The following CNGA1 variants were observed in gnomAD, a reference collection of about 807,000 sequenced individuals.
CNGA1 encodes the protein cyclic nucleotide-gated channel alpha-1.
A neutral mutation model predicts 69.7 loss-of-function variants in CNGA1; 53 were observed. That is an observed-to-expected ratio of 0.76 (90% CI 0.61 to 0.96). The LOEUF (loss-of-function observed/expected upper bound fraction) is 0.96, where lower values mean the gene tolerates loss of function less well. Ranked by LOEUF, CNGA1 falls within the 40% of genes least tolerant of loss-of-function variation. The pLI is 0.00. For missense variants in CNGA1, 739 were observed against 811.2 expected (o/e 0.91, Z 1.08); for synonymous variants, 249 against 283.5 (o/e 0.88, Z 1.22).
intron 3 of CNGA1, chr4:47,959,169 C>CAT (rs904495327): frequency 1.3e-5 from 2 of 152,088 alleles, no homozygotes; most frequent in African/African-American, 4.8e-5. Context: ...GAGTTGGTGG[C>CAT]AAATGTGGGT....
At position 47,997,116 on chromosome 4, in the gene CNGA1, C is replaced by T. The variant is rs550218640; in HGVS notation, c.-123+13678G>A. ...TCACGCTAACCTATATAATGTTGTG[C>T]CTTAAATATACCTGAAGACTTTTGC... is the stretch of plus-strand genomic sequence containing the variant. On this transcript the variant is annotated intron_variant, in intron 2 of 10. Coordinates refer to ENST00000514170, the MANE Select transcript of CNGA1 (RefSeq NM_001379270.1). Among the ~76,000 whole-genome samples the T allele has an allele frequency of 2.0e-5, 3 of 152,180 alleles. No individual in the cohort carries two copies. In the South Asian group the frequency reaches 6.2e-4, roughly 32 times the overall value.
rs1325462953 is a variant in CNGA1, at chr4:47,965,429, C to A, written c.-14-12726G>T. On this transcript the variant is annotated intron_variant, in intron 3 of 10. Transcript: ENST00000514170. Reference sequence around the variant, plus strand: ...CACTTCTTGGTTATGATAAGTTATTCTTTTTTTTTTTTTTTGAGACAGAGT... The same window carrying A: ...CACTTCTTGGTTATGATAAGTTATTATTTTTTTTTTTTTTTGAGACAGAGT... Among the ~76,000 whole-genome samples, 9 of 141,252 alleles carry A rather than the reference C, an allele frequency of 6.4e-5. No individual in the cohort carries two copies. In the South Asian group the frequency reaches 1.8e-3, roughly 29 times the overall value. 92.7% of individuals were successfully genotyped at this position (141,252 alleles called of 152,430 possible).
chr4:47,940,484 C>T (rs1739008022), intron 10 of CNGA1, among the ~76,000 whole-genome samples: 1 of 152,210 alleles, frequency 6.6e-6, no homozygotes, highest in South Asian at 2.1e-4. Flanking sequence ...TTTCTGCTCT[C>T]TCTATTCCTC....
intron 3 of CNGA1, among the ~76,000 whole-genome samples, chr4:47,961,900 T>C (rs895390710): frequency 5.9e-5 from 9 of 152,204 alleles, no homozygotes; most frequent in Admixed American, 5.2e-4. Context: ...TTGGAACAAC[T>C]TGACTATGCG....
At chr4:47,989,566 GA>G (rs1306226049) in intron 2 of CNGA1, among the ~76,000 whole-genome samples, 1 of 152,030 alleles carries the variant, frequency 6.6e-6, no homozygotes, top group Non-Finnish European at 1.5e-5. Flanking sequence ...AAATGACCTT[GA>G]AAACTGATAA....
chr4:48,010,090 A>C (rs1349230080), intron 2 of CNGA1, among the ~76,000 whole-genome samples: 4 of 152,196 alleles, frequency 2.6e-5, no homozygotes, highest in African/African-American at 9.6e-5. Context: ...ATAGCCATAA[A>C]TTTAGATATT....
intron 3 of CNGA1, among the ~76,000 whole-genome samples, chr4:47,978,598 T>G (rs1741537621): frequency 6.6e-6 from 1 of 152,136 alleles, no homozygotes. Context: ...ATTGATCCAT[T>G]TGGGTTTTCT....
At chr4:48,004,371 T>A (rs1435796915) in intron 2 of CNGA1, among the ~76,000 whole-genome samples, 1 of 152,216 alleles carries the variant, frequency 6.6e-6, no homozygotes, top group Non-Finnish European at 1.5e-5. Context: ...GCTGTCTTTT[T>A]TTAATCTCTT....
intron 3 of CNGA1, among the ~76,000 whole-genome samples, chr4:47,975,922 A>G (rs1301220117): frequency 6.6e-6 from 1 of 151,766 alleles, no homozygotes; most frequent in East Asian, 1.9e-4. Flanking sequence ...TTAATTATAA[A>G]AATTATTAAA....
At position 47,962,288 on chromosome 4, in the gene CNGA1, G is replaced by A. The variant is rs74416205; in HGVS notation, c.-14-9585C>T. Among the ~76,000 whole-genome samples, 459 of 150,134 alleles carry A rather than the reference G, an allele frequency of 3.1e-3. 4 individuals carry two copies. The highest frequency in any genetic ancestry group is 5.6e-3 in the Non-Finnish European group (377 of 67,840). On this transcript the variant is annotated intron_variant, in intron 3 of 10. Transcript: ENST00000514170. ...GAACCAGGGAGTCGGAGGTTGCAGTGAGCCAAGATCATGCCACTTGCACTC... is the reference window on the plus strand; with the variant it reads ...GAACCAGGGAGTCGGAGGTTGCAGTAAGCCAAGATCATGCCACTTGCACTC...
At chr4:47,984,522 G>A (rs927629931) in intron 2 of CNGA1, among the ~76,000 whole-genome samples, 2 of 151,856 alleles carry the variant, frequency 1.3e-5, no homozygotes, top group Admixed American at 1.3e-4. Context: ...GGAGGCTGAG[G>A]CAGGAGAATT....
At chr4:47,983,448 G>A (rs1053675995) in intron 2 of CNGA1, among the ~76,000 whole-genome samples, 2 of 152,010 alleles carry the variant, frequency 1.3e-5, no homozygotes, top group Admixed American at 1.3e-4. Context: ...AACTAGCTGG[G>A]CGTGGTGGTA....
intron 2 of CNGA1, among the ~76,000 whole-genome samples, chr4:48,005,084 G>A (rs1176298054): frequency 6.7e-6 from 1 of 149,844 alleles, no homozygotes; most frequent in Non-Finnish European, 1.5e-5. Flanking sequence ...ACAAATCGTG[G>A]TTGGACTGAT....
At chr4:47,953,527 T>A (rs1219751855) in intron 3 of CNGA1, among the ~76,000 whole-genome samples, 1 of 152,234 alleles carries the variant, frequency 6.6e-6, no homozygotes. Context: ...ATCACATTTT[T>A]AGCAAGTCCC....
In CNGA1 at chr4:47,952,639, A is replaced by T. The variant is rs748755294; in HGVS notation, c.51T>A (p.Asn17Lys). Reference sequence around the variant, plus strand: ...CCTTTTCAATATCTGGTACAATCACATTGGGCATGGTTACAAAAGACTGCT... The same window carrying T: ...CCTTTTCAATATCTGGTACAATCACTTTGGGCATGGTTACAAAAGACTGCT... ...NTQQSFVTMP[N>K]VIVPDIEKEI... The change falls in exon 4 of 11, where the codon AAT (asparagine) becomes AAA (lysine). Residue 17 changes from asparagine (N) to lysine (K), a missense_variant. Transcript: ENST00000514170. The T allele has an allele frequency of 6.2e-7, 1 of 1,609,590 alleles. No homozygotes were observed. Among genetic ancestry groups the T allele is most frequent in the South Asian group, 1.1e-5 (1 of 90,506 alleles).
intron 5 of CNGA1, 63 bp downstream of exon 5, chr4:47,951,290 A>C: frequency 9.1e-7 from 1 of 1,093,208 alleles, no homozygotes; most frequent in South Asian, 1.3e-5. Flanking sequence ...AAAATTCAAA[A>C]CACTGCAACC....
chr4:47,970,691 A>C (rs1320979431), intron 3 of CNGA1, among the ~76,000 whole-genome samples: 2 of 150,336 alleles, frequency 1.3e-5, no homozygotes, highest in Admixed American at 1.3e-4. Context: ...ACCGTTGTCT[A>C]CTGAATTATT....
At chr4:47,940,930 T>C in intron 9 of CNGA1, 61 bp from the exon 10 acceptor site, 2 of 1,101,868 alleles carry the variant, frequency 1.8e-6, no homozygotes, top group Non-Finnish European at 2.8e-6. Flanking sequence ...TAAGTAAAAG[T>C]TCTCTTTGTA....
At chr4:47,962,189 C>CA (rs1162263794) in intron 3 of CNGA1, among the ~76,000 whole-genome samples, 4 of 151,784 alleles carry the variant, frequency 2.6e-5, no homozygotes, top group Admixed American at 2.6e-4. Flanking sequence ...ACTAAAAATA[C>CA]AAAAATTAGC....
Sources: gnomAD v4.1 joint callset for allele counts (sites outside exome capture counted in the v4.1 genomes callset) on GRCh38, gnomAD v4.1.1 for gene constraint, MANE v1.5 for transcripts, NCBI Gene and HGNC (gene_info 2026-07-23, HGNC 2026-07-21) for gene names.